The following EPB41L2 variants were observed in gnomAD, a reference collection of about 807,000 sequenced individuals.
The protein encoded by EPB41L2 is band 4.1-like protein 2.
Under a neutral mutation model 113.0 loss-of-function variants are expected in EPB41L2, and 43 were observed. The observed-to-expected ratio is 0.38, with a 90% CI of 0.30 to 0.49. EPB41L2 has a LOEUF of 0.49. Ranked by LOEUF, EPB41L2 falls within the 20% of genes least tolerant of loss-of-function variation. The probability of loss-of-function intolerance (pLI) is 0.95; values close to 1 mark genes in which losing one functional copy is unlikely to be tolerated. For missense variants in EPB41L2, 1,147 were observed against 1,223.4 expected, an observed-to-expected ratio of 0.94 and a Z score of 0.93; for synonymous variants, 442 against 436.7, an observed-to-expected ratio of 1.01 and a Z score of -0.15.
chr6:130,929,942 G>A (rs192576047), intron 3 of EPB41L2, among the ~76,000 whole-genome samples: 36 of 151,646 alleles, frequency 2.4e-4, no homozygotes, highest in African/African-American at 7.7e-4. Flanking sequence ...GAAAGACAGC[G>A]AGAAGGCAAT....
chr6:130,938,860 C>T (rs2128580780), intron 3 of EPB41L2, among the ~76,000 whole-genome samples: 1 of 152,294 alleles, frequency 6.6e-6, no homozygotes, highest in East Asian at 1.9e-4. Context: ...TGTTACTTAG[C>T]TGCTTATCTG....
rs959169317 is a variant in EPB41L2 at position 130,894,249 on chromosome 6, G to A, written c.1487+95C>T. ...TCCCCAGGCTGGTCTCAAACTCCTG[G>A]GGTCAAGTGATCCTCCCACCTCTGC... On this transcript the variant is annotated intron_variant, in intron 10 of 19. Transcript: ENST00000337057. The A allele has an allele frequency of 9.5e-6, 9 of 944,862 alleles. No individual in the cohort carries two copies. The African/African-American group carries it at 1.3e-4, about 14-fold the overall frequency. 58.5% of individuals were successfully genotyped at this position (944,862 alleles called of 1,614,324 possible).
In EPB41L2 at chr6:130,894,970, T is replaced by C; in HGVS notation, c.1386A>G (p.Ala462=). Residue 462 remains alanine (A), a synonymous_variant, in exon 9 of 20, where the codon GCA becomes GCG. Transcript: ENST00000337057. ...GATTAGAAATGTCTTGGCTTACCTC[T>C]GCCGGTCTGACTTTAATGTAGAAGT... ...RSNFYIKVRP[A]ELEQFESTIG... 1 of 1,613,168 alleles carries C rather than the reference T, an allele frequency of 6.2e-7. No homozygotes were observed.
At chr6:131,006,851 C>G (rs768847350) in intron 1 of EPB41L2, among the ~76,000 whole-genome samples, 1 of 152,090 alleles carries the variant, frequency 6.6e-6, no homozygotes, top group East Asian at 1.9e-4. Flanking sequence ...CTCAATCCCT[C>G]TTCTCCAACA....
At chr6:131,024,723 A>G (rs957655504) in intron 1 of EPB41L2, among the ~76,000 whole-genome samples, 1 of 152,190 alleles carries the variant, frequency 6.6e-6, no homozygotes, top group African/African-American at 2.4e-5. Flanking sequence ...TATACTAAAC[A>G]CTGGGTAGTC....
intron 5 of EPB41L2, among the ~76,000 whole-genome samples, chr6:130,906,140 G>A (rs575085051): frequency 8.5e-5 from 13 of 152,082 alleles, no homozygotes; most frequent in Non-Finnish European, 1.6e-4. Context: ...TGCTAGTCTC[G>A]AATTAAGTAA....
chr6:130,848,099 G>GA (rs1161619158), intron 19 of EPB41L2, among the ~76,000 whole-genome samples: 1 of 151,844 alleles, frequency 6.6e-6, no homozygotes, highest in African/African-American at 2.4e-5. Flanking sequence ...GGGAACATGG[G>GA]AAAAAAATCA....
At chr6:130,915,282 G>A (rs1407282548) in intron 4 of EPB41L2, among the ~76,000 whole-genome samples, 4 of 152,272 alleles carry the variant, frequency 2.6e-5, no homozygotes, top group Non-Finnish European at 4.4e-5. Context: ...CAGCCTGGGC[G>A]ACAGAGCGAG....
At chr6:130,959,995 T>A (rs1818788021) in intron 1 of EPB41L2, among the ~76,000 whole-genome samples, 2 of 152,256 alleles carry the variant, frequency 1.3e-5, no homozygotes, top group East Asian at 3.8e-4. Flanking sequence ...CATTAATAGT[T>A]GTTTATATTT....
chr6:130,914,400 T>A (rs1323670583), intron 4 of EPB41L2, among the ~76,000 whole-genome samples: 2 of 152,192 alleles, frequency 1.3e-5, no homozygotes. Flanking sequence ...AATCAGACTT[T>A]CGGTTCACAA....
chr6:130,898,842 C>T (rs547508010), intron 8 of EPB41L2, among the ~76,000 whole-genome samples: 5 of 152,052 alleles, frequency 3.3e-5, no homozygotes, highest in East Asian at 3.9e-4. Flanking sequence ...ATTATTTTTT[C>T]GAGCATTATA....
At chr6:130,909,042 T>G (rs1326674922) in intron 4 of EPB41L2, among the ~76,000 whole-genome samples, 179 bp from the exon 5 acceptor site, 3 of 152,196 alleles carry the variant, frequency 2.0e-5, no homozygotes, top group Admixed American at 6.5e-5. Flanking sequence ...GACATATGTG[T>G]GTAAATGTGG....
At chr6:131,010,809 C>A (rs1206520892) in intron 1 of EPB41L2, among the ~76,000 whole-genome samples, 1 of 152,168 alleles carries the variant, frequency 6.6e-6, no homozygotes, top group East Asian at 1.9e-4. Flanking sequence ...GGAGCAACCT[C>A]AGGTGAAAAA....
At chr6:130,921,548 A>G (rs2128541470) in intron 4 of EPB41L2, among the ~76,000 whole-genome samples, 1 of 152,270 alleles carries the variant, frequency 6.6e-6, no homozygotes, top group East Asian at 1.9e-4. Flanking sequence ...CTCCGCACCC[A>G]CATCATGATC....
At chr6:131,016,489 C>A (rs1439011189) in intron 1 of EPB41L2, among the ~76,000 whole-genome samples, 1 of 109,302 alleles carries the variant, frequency 9.1e-6, no homozygotes, top group African/African-American at 3.7e-5. Flanking sequence ...CACACACACA[C>A]ACACACACAC....
intron 4 of EPB41L2, among the ~76,000 whole-genome samples, chr6:130,917,229 G>A (rs1198904082): frequency 6.6e-6 from 1 of 152,190 alleles, no homozygotes; most frequent in African/African-American, 2.4e-5. Context: ...CCAAAATACA[G>A]TCATAAAATC....
At chr6:130,907,688 G>T (rs1362207385) in intron 5 of EPB41L2, among the ~76,000 whole-genome samples, 1 of 152,028 alleles carries the variant, frequency 6.6e-6, no homozygotes, top group East Asian at 1.9e-4. Context: ...GGGAAGCAAA[G>T]AAATGACAGG....
At chr6:130,849,227 A>G (rs1236164599) in intron 19 of EPB41L2, among the ~76,000 whole-genome samples, 3 of 152,230 alleles carry the variant, frequency 2.0e-5, no homozygotes, top group Non-Finnish European at 4.4e-5. Context: ...AGCAGGCTCA[A>G]TGTCATCAGA....
At chr6:130,924,433 C>A (rs1803938658) in intron 4 of EPB41L2, among the ~76,000 whole-genome samples, 1 of 151,732 alleles carries the variant, frequency 6.6e-6, no homozygotes, top group Admixed American at 6.6e-5. Context: ...GGCTGGAGTG[C>A]AATGCCACAA....
Sources: gnomAD v4.1 joint callset for allele counts (sites outside exome capture counted in the v4.1 genomes callset) on GRCh38, gnomAD v4.1.1 for gene constraint, MANE v1.5 for transcripts, NCBI Gene and HGNC (gene_info 2026-07-23, HGNC 2026-07-21) for gene names.